Variants in CDC42SE2 observed in about 807,000 individuals in gnomAD.
CDC42SE2 encodes CDC42 small effector protein 2.
CDC42SE2 carries 3 observed loss-of-function variants against 11.5 expected under a neutral mutation model. That is an observed-to-expected ratio of 0.26 (90% CI 0.12 to 0.67). The LOEUF (loss-of-function observed/expected upper bound fraction) is 0.67, where lower values mean the gene tolerates loss of function less well. Among genes scored for constraint, CDC42SE2 ranks in the 30% least tolerant of loss-of-function variants. The probability of loss-of-function intolerance (pLI) is 0.80; values close to 1 mark genes in which losing one functional copy is unlikely to be tolerated. For synonymous variants in CDC42SE2, 33 were observed against 34.8 expected (o/e 0.95, Z 0.18); for missense variants, 82 against 106.8 (o/e 0.77, Z 1.02).
chr5:131,339,221 G>A lies in CDC42SE2; in HGVS notation c.-285-19988G>A, dbSNP rs183682301. On this transcript the variant is annotated intron_variant, in intron 2 of 4. Transcript: ENST00000505065. ...TGAGATCGCACCACTGCACTCCAGCGTGGTGACAGAGTGAGACTCTGTCTG... is the reference window on the plus strand; with the variant it reads ...TGAGATCGCACCACTGCACTCCAGCATGGTGACAGAGTGAGACTCTGTCTG... Among the ~76,000 whole-genome samples the A allele has an allele frequency of 4.1e-3, 529 of 130,048 alleles. 4 individuals carry two copies. Among genetic ancestry groups the A allele is most frequent in the African/African-American group, 0.014 (495 of 35,504 alleles). The allele number at this position is 130,048 out of a possible 152,430, so 85.3% of individuals were successfully genotyped here.
intron 2 of CDC42SE2, among the ~76,000 whole-genome samples, chr5:131,333,703 C>A (rs1000520728): frequency 1.3e-3 from 191 of 152,076 alleles, no homozygotes; most frequent in Middle Eastern, 3.4e-3. Flanking sequence ...AGTTGGATTC[C>A]TAGGTATTTT....
At chr5:131,233,263 A>C in the CDC42SE2 span, among the ~76,000 whole-genome samples, 1 of 152,166 alleles carries the variant, frequency 6.6e-6, no homozygotes, top group African/African-American at 2.4e-5. Flanking sequence ...TTATGATAAT[A>C]CAATAGTTTT....
chr5:131,274,702 G>C (rs1255680090), intron 1 of CDC42SE2, among the ~76,000 whole-genome samples: 1 of 152,102 alleles, frequency 6.6e-6, no homozygotes, highest in African/African-American at 2.4e-5. Context: ...CGTCCTGCTT[G>C]TCTGATTTCA....
intron 2 of CDC42SE2, among the ~76,000 whole-genome samples, chr5:131,353,248 G>A (rs1241876913): frequency 5.9e-5 from 9 of 152,006 alleles, no homozygotes; most frequent in South Asian, 4.2e-4. Flanking sequence ...GATTACAGGC[G>A]TGAATCAACA....
intron 1 of CDC42SE2, among the ~76,000 whole-genome samples, chr5:131,285,773 C>T (rs547911990): frequency 6.6e-6 from 1 of 152,134 alleles, no homozygotes; most frequent in Admixed American, 6.6e-5. Flanking sequence ...ATAGCTGTGA[C>T]TGAGAGGTCA....
chr5:131,245,711 C>CATATT (rs1288368755), intron 1 of CDC42SE2: 1 of 152,144 alleles, frequency 6.6e-6, no homozygotes, highest in Non-Finnish European at 1.5e-5. Flanking sequence ...TTTTCTTAAT[C>CATATT]ATATTACTTG....
At chr5:131,312,649 G>A (rs900272817) in intron 1 of CDC42SE2, among the ~76,000 whole-genome samples, 1 of 152,210 alleles carries the variant, frequency 6.6e-6, no homozygotes, top group African/African-American at 2.4e-5. Flanking sequence ...GTGGTGCGCT[G>A]TTTTTTAAGC....
At chr5:131,240,534 G>A (rs143653246), upstream of CDC42SE2, among the ~76,000 whole-genome samples, 682 of 152,176 alleles carry the variant, frequency 4.5e-3, 10 homozygotes, top group African/African-American at 0.016. Context: ...AACGCGTCGG[G>A]GTATATTAAG....
At chr5:131,342,573 A>G (rs1420367457) in intron 2 of CDC42SE2, among the ~76,000 whole-genome samples, 1 of 151,546 alleles carries the variant, frequency 6.6e-6, no homozygotes, top group Admixed American at 6.6e-5. Flanking sequence ...TATTTTTAGT[A>G]GAGATGGGAT....
At chr5:131,347,767 C>G (rs1357234309) in intron 2 of CDC42SE2, among the ~76,000 whole-genome samples, 1 of 152,116 alleles carries the variant, frequency 6.6e-6, no homozygotes, top group Non-Finnish European at 1.5e-5. Flanking sequence ...ACTGGCAAAC[C>G]AAATCCAGCA....
intron 1 of CDC42SE2, among the ~76,000 whole-genome samples, chr5:131,310,693 A>G (rs1333019191): frequency 6.6e-6 from 1 of 152,116 alleles, no homozygotes; most frequent in African/African-American, 2.4e-5. Context: ...TCCCTTTACC[A>G]TTATGTAATG....
chr5:131,342,783 G>T (rs1561591609), intron 2 of CDC42SE2, among the ~76,000 whole-genome samples: 1 of 151,960 alleles, frequency 6.6e-6, no homozygotes, highest in African/African-American at 2.4e-5. Flanking sequence ...CACAATCTTG[G>T]CTCACTGCAA....
At chr5:131,330,074 C>A (rs1204152383) in intron 2 of CDC42SE2, among the ~76,000 whole-genome samples, 1 of 151,986 alleles carries the variant, frequency 6.6e-6, no homozygotes, top group Non-Finnish European at 1.5e-5. Flanking sequence ...GCATCATCAG[C>A]TAATGGTATT....
At chr5:131,318,241 G>C (rs1216653074) in intron 2 of CDC42SE2, among the ~76,000 whole-genome samples, 1 of 152,142 alleles carries the variant, frequency 6.6e-6, no homozygotes, top group Non-Finnish European at 1.5e-5. Context: ...GCCCAACCAG[G>C]AGAATAACTT....
chr5:131,240,181 C>G, the CDC42SE2 span, among the ~76,000 whole-genome samples: 8 of 152,154 alleles, frequency 5.3e-5, no homozygotes, highest in Non-Finnish European at 8.8e-5. Flanking sequence ...TTTTATGCAA[C>G]AGTTTTCTAA....
At chr5:131,249,577 T>C (rs1433531019) in intron 1 of CDC42SE2, among the ~76,000 whole-genome samples, 1 of 152,232 alleles carries the variant, frequency 6.6e-6, no homozygotes, top group East Asian at 1.9e-4. Flanking sequence ...TACCTGGCAC[T>C]ATATACAAAA....
intron 1 of CDC42SE2, among the ~76,000 whole-genome samples, chr5:131,250,239 A>G (rs1756629176): frequency 1.3e-5 from 2 of 152,252 alleles, no homozygotes; most frequent in Non-Finnish European, 2.9e-5. Flanking sequence ...ATGCCCATCT[A>G]CAGGAGAGTG....
chr5:131,321,507 T>TA (rs1192179137), intron 2 of CDC42SE2, among the ~76,000 whole-genome samples: 1 of 152,150 alleles, frequency 6.6e-6, no homozygotes. Context: ...ATGGTACTGA[T>TA]ATTGCCTGAT....
In CDC42SE2 at chr5:131,330,083, T is replaced by C. The variant is rs1040248441; in HGVS notation, c.-286+13939T>C. ...AATGTAGCATCATCAGCTAATGGTA[T>C]TCAGCTAATAGGTGGGCAGGACTGG... On this transcript the variant is annotated intron_variant, in intron 2 of 4. Coordinates refer to ENST00000505065, the MANE Select transcript of CDC42SE2 (RefSeq NM_001375635.1). Among the ~76,000 whole-genome samples the C allele has an allele frequency of 2.6e-5, 4 of 151,982 alleles. No individual in the cohort carries two copies. The South Asian group carries it at 8.3e-4, about 32-fold the overall frequency.
Sources: gnomAD v4.1 joint callset for allele counts (sites outside exome capture counted in the v4.1 genomes callset) on GRCh38, gnomAD v4.1.1 for gene constraint, MANE v1.5 for transcripts, NCBI Gene and HGNC (gene_info 2026-07-23, HGNC 2026-07-21) for gene names.